The following DAB1 variants were observed in gnomAD, a reference collection of about 807,000 sequenced individuals.
The protein encoded by DAB1 is disabled homolog 1.
A neutral mutation model predicts 64.6 loss-of-function variants in DAB1; 15 were observed. The ratio of observed to expected loss-of-function variants is 0.23; its 90% CI spans 0.16 to 0.36. The LOEUF is 0.36. Ranked by LOEUF, DAB1 falls within the 10% of genes least tolerant of loss-of-function variation. DAB1 has a pLI of 1.00. For missense variants in DAB1, 596 were observed against 706.7 expected (o/e 0.84, Z 1.78); for synonymous variants, 235 against 251.9 (o/e 0.93, Z 0.64).
chr1:57,409,062 T>C (rs1683886606), intron 1 of DAB1, among the ~76,000 whole-genome samples: 1 of 152,128 alleles, frequency 6.6e-6, no homozygotes, highest in Non-Finnish European at 1.5e-5. Context: ...CCATGTGTGG[T>C]GCCCACTCCC....
intron 9 of DAB1, among the ~76,000 whole-genome samples, chr1:57,028,178 T>C (rs1435544633): frequency 6.6e-6 from 1 of 152,146 alleles, no homozygotes; most frequent in East Asian, 1.9e-4. Context: ...GGGGAGGTAA[T>C]TGAATCATGG....
At chr1:57,793,701 G>A (rs559600738) in intron 6 of DAB1, among the ~76,000 whole-genome samples, 31 of 152,232 alleles carry the variant, frequency 2.0e-4, no homozygotes, top group African/African-American at 6.5e-4. Context: ...GGCAAGTTTC[G>A]CTATGCCTCA....
chr1:58,296,183 AAG>A (rs1311874283), intron 4 of DAB1, among the ~76,000 whole-genome samples: 3,765 of 136,748 alleles, frequency 0.028, 94 homozygotes, highest in Middle Eastern at 0.065. Context: ...AAAAGAAAGA[AAG>A]AGAAAGAAAG....
At chr1:58,304,540 T>C (rs1374849487) in intron 4 of DAB1, among the ~76,000 whole-genome samples, 1 of 152,238 alleles carries the variant, frequency 6.6e-6, no homozygotes, top group Non-Finnish European at 1.5e-5. Context: ...ATTTCCATAT[T>C]GCTGAACACT....
chr1:57,819,849 G>A (rs928376682), intron 6 of DAB1, among the ~76,000 whole-genome samples: 67 of 152,148 alleles, frequency 4.4e-4, no homozygotes, highest in African/African-American at 1.6e-3. Flanking sequence ...AGTCTCCCTA[G>A]GAGAAAAAAA....
chr1:57,860,592 C>G (rs1653966809), intron 1 of DAB1: 1 of 152,308 alleles, frequency 6.6e-6, no homozygotes, highest in South Asian at 2.1e-4. Context: ...CCAACAGGAG[C>G]TGGTAATCAG....
chr1:58,154,331 G>A (rs1252771371), intron 4 of DAB1, among the ~76,000 whole-genome samples: 1 of 152,104 alleles, frequency 6.6e-6, no homozygotes, highest in Non-Finnish European at 1.5e-5. Flanking sequence ...ACTGAAGGGA[G>A]TACAGTAGAG....
At chr1:57,013,690 C>T (rs946095683) in intron 12 of DAB1, among the ~76,000 whole-genome samples, 5 of 152,076 alleles carry the variant, frequency 3.3e-5, no homozygotes, top group East Asian at 1.9e-4. Context: ...GTAATGAAAC[C>T]GCCAAACTCA....
At chr1:57,786,481 T>C (rs970101977) in intron 6 of DAB1, among the ~76,000 whole-genome samples, 94 of 152,210 alleles carry the variant, frequency 6.2e-4, no homozygotes, top group African/African-American at 2.0e-3. Flanking sequence ...CTTATAAAAG[T>C]GGAGATGGAA....
chr1:57,559,118 T>C (rs958479545), intron 7 of DAB1, among the ~76,000 whole-genome samples: 2 of 152,186 alleles, frequency 1.3e-5, no homozygotes, highest in South Asian at 2.1e-4. Flanking sequence ...GCTACTGTAA[T>C]GGACAGCAGA....
chr1:57,602,337 G>A (rs778902129), intron 7 of DAB1, among the ~76,000 whole-genome samples: 2 of 152,188 alleles, frequency 1.3e-5, no homozygotes, highest in African/African-American at 4.8e-5. Flanking sequence ...ATTCACAAGA[G>A]AGTTCAGTTT....
intron 3 of DAB1, among the ~76,000 whole-genome samples, chr1:58,343,599 C>T (rs1374288925): frequency 6.6e-6 from 1 of 152,190 alleles, no homozygotes; most frequent in East Asian, 1.9e-4. Context: ...GACAGAAAGA[C>T]CCAGAATTCA....
chr1:57,616,955 C>T (rs181539890), intron 7 of DAB1, among the ~76,000 whole-genome samples: 18 of 152,218 alleles, frequency 1.2e-4, no homozygotes, highest in East Asian at 5.8e-4. Flanking sequence ...CCTGAGGGTA[C>T]GCAAAGGAAT....
At chr1:57,290,115 A>T (rs1324020089) in intron 2 of DAB1, among the ~76,000 whole-genome samples, 1 of 152,218 alleles carries the variant, frequency 6.6e-6, no homozygotes, top group African/African-American at 2.4e-5. Flanking sequence ...ATTTTTAATA[A>T]AGCAAAACAC....
At chr1:58,432,323 G>A (rs754597663) in intron 3 of DAB1, among the ~76,000 whole-genome samples, 15 of 152,076 alleles carry the variant, frequency 9.9e-5, no homozygotes, top group Non-Finnish European at 1.8e-4. Context: ...TGTTTTTGGT[G>A]TACTTGTTAC....
chr1:58,053,532 C>T (rs1057323002), intron 5 of DAB1, among the ~76,000 whole-genome samples: 1 of 152,112 alleles, frequency 6.6e-6, no homozygotes, highest in Non-Finnish European at 1.5e-5. Flanking sequence ...GAGGAATCTG[C>T]CCCCATCACT....
intron 1 of DAB1, among the ~76,000 whole-genome samples, chr1:57,420,188 C>T (rs550967245): frequency 2.0e-5 from 3 of 152,292 alleles, no homozygotes; most frequent in South Asian, 2.1e-4. Flanking sequence ...ATGTAGCTTG[C>T]TCCTATAGAA....
At chr1:58,132,288 A>C (rs1238336104) in intron 5 of DAB1, among the ~76,000 whole-genome samples, 1 of 152,160 alleles carries the variant, frequency 6.6e-6, no homozygotes, top group Non-Finnish European at 1.5e-5. Flanking sequence ...GCGCTTCCCA[A>C]GTGAGGCAAT....
At chr1:57,048,279 A>T in intron 9 of DAB1, among the ~76,000 whole-genome samples, 1 of 152,234 alleles carries the variant, frequency 6.6e-6, no homozygotes, top group Admixed American at 6.5e-5. Context: ...TATCAAAGAC[A>T]AAAGTAATTA....
Sources: gnomAD v4.1 joint callset for allele counts (sites outside exome capture counted in the v4.1 genomes callset) on GRCh38, gnomAD v4.1.1 for gene constraint, MANE v1.5 for transcripts, NCBI Gene and HGNC (gene_info 2026-07-23, HGNC 2026-07-21) for gene names.